Variants in MTIF2 observed in about 807,000 individuals in gnomAD.
MTIF2 encodes translation initiation factor IF-2, mitochondrial.
In MTIF2, 71 loss-of-function variants were observed where a neutral mutation model predicts 83.5. That is an observed-to-expected ratio of 0.85 (90% confidence interval 0.70 to 1.04). The LOEUF (loss-of-function observed/expected upper bound fraction) is 1.04, where lower values mean the gene tolerates loss of function less well. Ranked by LOEUF, MTIF2 falls within the 50% of genes least tolerant of loss-of-function variation. The pLI, the probability that MTIF2 is intolerant of heterozygous loss-of-function variation, is 0.00. For synonymous variants in MTIF2, 319 were observed against 287.1 expected (o/e 1.11, Z -1.12); for missense variants, 957 against 846.5 (o/e 1.13, Z -1.62).
At chr2:55,238,387 T>TG (rs1553366838) in intron 14 of MTIF2, among the ~76,000 whole-genome samples, 1 of 113,320 alleles carries the variant, frequency 8.8e-6, no homozygotes, top group African/African-American at 3.0e-5. Flanking sequence ...ATTCTGAGCC[T>TG]GGTTTTTTTT....
Position 55,252,631 on chromosome 2 carries a change from CT to C in MTIF2, c.686del (p.Lys229ArgfsTer2). 1 of 1,613,212 alleles carries C rather than the reference CT, an allele frequency of 6.2e-7. No individual in the cohort carries two copies. Among genetic ancestry groups the C allele is most frequent in the Non-Finnish European group, 8.5e-7 (1 of 1,179,558 alleles). ...AFLVSLPSGE[K>X]ITFLDTPGHA... is the part of the protein sequence containing the mutation. Reference sequence around the variant, plus strand: ...GTCCTGGAGTATCAAGAAAAGTTATCTTTTCCCCAGAAGGCAGAGAGACTGT... The same window carrying C: ...GTCCTGGAGTATCAAGAAAAGTTATCTTTCCCCAGAAGGCAGAGAGACTGT... On this transcript the variant is annotated frameshift_variant, in exon 8 of 16. Transcript: ENST00000263629. LOFTEE classifies it high-confidence loss of function.
chr2:55,268,105 T>C (rs1373268446), intron 2 of MTIF2, among the ~76,000 whole-genome samples: 17 of 151,982 alleles, frequency 1.1e-4, no homozygotes, highest in Non-Finnish European at 4.4e-5. Context: ...GTACAAAAAT[T>C]AGCCGGGTAC....
Position 55,246,335 on chromosome 2 carries a change from A to G in MTIF2, c.1106+2T>C, listed in dbSNP as rs772467410. The G allele has an allele frequency of 1.9e-6, 3 of 1,612,410 alleles. No individual in the cohort carries two copies. The highest frequency in any genetic ancestry group is 2.5e-6 in the Non-Finnish European group (3 of 1,178,860). ...AAAAGGCAAGCATTTTAAGAGTCCT[A>G]CCCTCTTCCTTTGTCTGTGAAAGAC... On this transcript the variant is annotated splice_donor_variant, in intron 10 of 15. Coordinates refer to ENST00000263629, the MANE Select transcript of MTIF2 (RefSeq NM_002453.3). LOFTEE classifies it high-confidence loss of function.
At chr2:55,252,377 A>G in intron 8 of MTIF2, 100 bp downstream of exon 8, 1 of 1,015,398 alleles carries the variant, frequency 9.8e-7, no homozygotes, top group Non-Finnish European at 1.5e-6. Context: ...ATACACGTAT[A>G]ATAACTCTGG....
At chr2:55,243,367 A>G (rs202166457) in intron 12 of MTIF2, 49 bp downstream of exon 12, 1 of 1,492,244 alleles carries the variant, frequency 6.7e-7, no homozygotes, top group Non-Finnish European at 9.1e-7. Context: ...AGAATAAAAA[A>G]ACATATATTC....
intron 3 of MTIF2, among the ~76,000 whole-genome samples, chr2:55,267,071 A>AT (rs1553377435): frequency 6.6e-6 from 1 of 151,698 alleles, no homozygotes; most frequent in African/African-American, 2.4e-5. Context: ...CGCCTAGCCT[A>AT]AATGTTACAT....
chr2:55,239,986 A>T (rs1425274704), intron 14 of MTIF2, 25 bp downstream of exon 14: 2 of 1,579,198 alleles, frequency 1.3e-6, no homozygotes, highest in East Asian at 2.3e-5. Context: ...CTAATTTTTA[A>T]AAGTAACATT....
At chr2:55,264,511 G>A (rs1678283523) in intron 3 of MTIF2, among the ~76,000 whole-genome samples, 1 of 152,106 alleles carries the variant, frequency 6.6e-6, no homozygotes, top group Admixed American at 6.6e-5. Flanking sequence ...GAAATTACAG[G>A]CATGAGCCAC....
At position 55,243,626 on chromosome 2, in the gene MTIF2, C is replaced by G; in HGVS notation, c.1354G>C (p.Glu452Gln). Residue 452 changes from glutamate (E) to glutamine (Q), a missense_variant, in exon 12 of 16, where the codon GAA becomes CAA. By Grantham distance (29) the Glu-to-Gln change is conservative. Coordinates refer to ENST00000263629, the MANE Select transcript of MTIF2 (RefSeq NM_002453.3). ...AGATCCTCCTGACCTTTCTCCTGTT[C>G]TTGTTCATATTTCCTCCAGTCAACA... Reference protein sequence around the residue: ...EVVDWRKYEQEQEKGQEDLKI... With the variant: ...EVVDWRKYEQQQEKGQEDLKI... 6.2e-7 allele frequency: 1 copy of G among 1,613,906 alleles called. No individual in the cohort carries two copies. Among genetic ancestry groups the G allele is most frequent in the Non-Finnish European group, 8.5e-7 (1 of 1,179,974 alleles).
At chr2:55,265,604 T>C (rs1162897797) in intron 3 of MTIF2, among the ~76,000 whole-genome samples, 1 of 152,224 alleles carries the variant, frequency 6.6e-6, no homozygotes, top group Non-Finnish European at 1.5e-5. Flanking sequence ...TCAGTATAGA[T>C]TTTCTTTTAC....
intron 5 of MTIF2, among the ~76,000 whole-genome samples, chr2:55,261,385 C>A (rs1677973911): frequency 6.6e-6 from 1 of 151,628 alleles, no homozygotes; most frequent in Non-Finnish European, 1.5e-5. Context: ...GCAGGCAGAT[C>A]ACTTGAGGTC....
At position 55,236,761 on chromosome 2, in the gene MTIF2, C is replaced by T; in HGVS notation, c.2071G>A (p.Asp691Asn). The T allele has an allele frequency of 6.2e-7, 1 of 1,611,448 alleles. No individual in the cohort carries two copies. The highest frequency in any genetic ancestry group is 8.5e-7 in the Non-Finnish European group (1 of 1,179,320). ...DDISIVKTGM[D>N]CGLSLDEDNM... ...TCTTCATCTAAACTGAGACCACAAT[C>T]CATTCCCGTTTTGACAATTGAAATG... is the stretch of plus-strand genomic sequence containing the variant. The change falls in exon 16 of 16, where the codon GAT becomes AAT. Residue 691 changes from aspartate to asparagine, a missense_variant. This residue lies in a region of MTIF2 where 221 missense variants were observed against 180.6 expected (regional missense o/e 1.22). Coordinates refer to ENST00000263629, the MANE Select transcript of MTIF2 (RefSeq NM_002453.3).
intron 5 of MTIF2, among the ~76,000 whole-genome samples, chr2:55,261,844 T>G (rs1187780960): frequency 2.0e-5 from 3 of 148,240 alleles, no homozygotes; most frequent in African/African-American, 7.5e-5. Flanking sequence ...AGGCTGAGGC[T>G]GAACGATTGT....
chr2:55,263,907 G>C (rs752002162), intron 3 of MTIF2, 42 bp from the exon 4 acceptor site: 1 of 1,443,330 alleles, frequency 6.9e-7, no homozygotes, highest in South Asian at 1.2e-5. Context: ...TTCAAATCAA[G>C]TTAGCAAATA....
Position 55,262,264 on chromosome 2 carries a change from G to A in MTIF2, c.331+52C>T, listed in dbSNP as rs895158121. The A allele has an allele frequency of 3.3e-5, 41 of 1,228,236 alleles. No homozygotes were observed. The highest frequency in any genetic ancestry group is 4.5e-5 in the African/African-American group (3 of 67,002). 76.1% of individuals were successfully genotyped at this position (1,228,236 alleles called of 1,614,324 possible). ...GCCTTAATCTCGTTGCAAATAAAATGCCCGGTCTTCCAACATTCCCATATT... is the reference window on the plus strand; with the variant it reads ...GCCTTAATCTCGTTGCAAATAAAATACCCGGTCTTCCAACATTCCCATATT... On this transcript the variant is annotated intron_variant, in intron 5 of 15. Coordinates refer to ENST00000263629, the MANE Select transcript of MTIF2 (RefSeq NM_002453.3).
intron 10 of MTIF2, 107 bp downstream of exon 10, chr2:55,246,230 T>C: frequency 8.1e-7 from 1 of 1,231,850 alleles, no homozygotes; most frequent in Non-Finnish European, 1.1e-6. Flanking sequence ...TTGAAAATAT[T>C]GTTCATGAAC....
chr2:55,263,685 G>A lies in MTIF2; in HGVS notation c.174C>T (p.Leu58=), dbSNP rs1281359890. The part of the protein sequence containing the change: ...LCAWPWPTDV[L]TGAALSQYRL... The stretch of plus-strand genomic sequence containing the variant: ...TATACTGAGATAAAGCAGCCCCAGT[G>A]AGCACATCTGTTGGCCAGGGCCAGG... The change falls in exon 4 of 16, where the codon CTC becomes CTT. Residue 58 remains leucine (L), a synonymous_variant. Coordinates refer to ENST00000263629, the MANE Select transcript of MTIF2 (RefSeq NM_002453.3). 1 of 1,613,840 alleles carries A rather than the reference G, an allele frequency of 6.2e-7. No homozygotes were observed. The highest frequency in any genetic ancestry group is 8.5e-7 in the Non-Finnish European group (1 of 1,179,956).
chr2:55,266,598 A>G (rs1181952328), intron 3 of MTIF2: 1 of 148,334 alleles, frequency 6.7e-6, no homozygotes, highest in African/African-American at 2.5e-5. Context: ...TATATTTTAT[A>G]TTTATATACA....
chr2:55,245,815 C>T (rs1358099829), intron 10 of MTIF2, among the ~76,000 whole-genome samples: 1 of 152,118 alleles, frequency 6.6e-6, no homozygotes, highest in African/African-American at 2.4e-5. Flanking sequence ...AGTGTTCTGA[C>T]AGAATCTTAA....
Sources: gnomAD v4.1 joint callset for allele counts (sites outside exome capture counted in the v4.1 genomes callset) on GRCh38, gnomAD v4.1.1 for gene constraint, gnomAD v4.1.1 regional missense constraint, MANE v1.5 for transcripts, NCBI Gene and HGNC (gene_info 2026-07-23, HGNC 2026-07-21) for gene names.